Variants in DPF3 observed in about 807,000 individuals in gnomAD.
DPF3 encodes double PHD fingers 3, also known as zinc finger protein DPF3.
In DPF3, 18 loss-of-function variants were observed where a neutral mutation model predicts 56.8. The ratio of observed to expected loss-of-function variants is 0.32; its 90% confidence interval spans 0.22 to 0.47. The LOEUF (loss-of-function observed/expected upper bound fraction) is 0.47. Ranked by LOEUF, DPF3 falls within the 20% of genes least tolerant of loss-of-function variation. The pLI, the probability that DPF3 is intolerant of heterozygous loss-of-function variation, is 1.00. For synonymous variants in DPF3, 188 were observed against 180.2 expected (o/e 1.04, Z -0.35); for missense variants, 403 against 488.8 (o/e 0.82, Z 1.65).
chr14:72,744,926 C>T (rs988933268), intron 3 of DPF3, among the ~76,000 whole-genome samples: 13 of 152,180 alleles, frequency 8.5e-5, no homozygotes, highest in African/African-American at 2.4e-5. Context: ...ACTATTCTCC[C>T]TCTTCCCGGA....
At chr14:72,827,454 C>CAACTCCT (rs1883857548) in intron 1 of DPF3, among the ~76,000 whole-genome samples, 1 of 149,950 alleles carries the variant, frequency 6.7e-6, no homozygotes, top group Non-Finnish European at 1.5e-5. Flanking sequence ...CTTGGTATAC[C>CAACTCCT]AACTCCTAGT....
At chr14:72,781,447 C>G (rs758042395) in intron 1 of DPF3, among the ~76,000 whole-genome samples, 3 of 152,164 alleles carry the variant, frequency 2.0e-5, no homozygotes, top group Non-Finnish European at 4.4e-5. Flanking sequence ...ATCATGACTT[C>G]GATGTGGCTC....
chr14:72,838,905 A>ATATATATATATATATATT, intron 1 of DPF3, among the ~76,000 whole-genome samples: 2 of 64,500 alleles, frequency 3.1e-5, no homozygotes, highest in East Asian at 2.5e-3. Flanking sequence ...TATCATATAT[A>ATATATATATATATATATT]TTCTTTTTTT....
chr14:72,748,292 G>T (rs368233818), intron 3 of DPF3, among the ~76,000 whole-genome samples: 36 of 152,202 alleles, frequency 2.4e-4, no homozygotes, highest in African/African-American at 8.7e-4. Context: ...GGGGCATTTT[G>T]CCCCTGCCCT....
At position 72,697,268 on chromosome 14, in the gene DPF3, G is replaced by A. The variant is rs147401744; in HGVS notation, c.605-4055C>T. ...CCTGTGCCACAAGAAGGACAAAAAT[G>A]AACAAGCCCCAGACCCCTCCATGGA... On this transcript the variant is annotated intron_variant, in intron 6 of 10. Coordinates refer to ENST00000556509, the MANE Select transcript of DPF3 (RefSeq NM_001280542.3). Among the ~76,000 whole-genome samples, 453 of 152,254 alleles carry A rather than the reference G, an allele frequency of 3.0e-3. 3 individuals are homozygous for A. The highest frequency in any genetic ancestry group is 0.01 in the African/African-American group (427 of 41,562).
intron 1 of DPF3, among the ~76,000 whole-genome samples, chr14:72,786,913 G>C (rs1892231088): frequency 6.6e-6 from 1 of 152,172 alleles, no homozygotes; most frequent in African/African-American, 2.4e-5. Context: ...AATGCTGTTG[G>C]CCAATGGGCG....
Position 72,612,355 on chromosome 14 carries a change from C to T in DPF3, c.*6942G>A, listed in dbSNP as rs1478779610. ...CCCCGCCTCTCTCCAGCCACCTGCTCCCCACCTCCTCTGCTCTGAGATAAT... is the reference window on the plus strand; with the variant it reads ...CCCCGCCTCTCTCCAGCCACCTGCTTCCCACCTCCTCTGCTCTGAGATAAT... On this transcript the variant is annotated 3_prime_UTR_variant, in exon 11 of 11. Transcript: ENST00000556509. 2.2e-6 allele frequency: 1 copy of T among 449,368 alleles called. No individual in the cohort carries two copies. The highest frequency in any genetic ancestry group is 2.3e-5 in the Admixed American group (1 of 43,896). 27.8% of individuals were successfully genotyped at this position (449,368 alleles called of 1,614,324 possible).
At chr14:72,689,676 G>A (rs996571975) in intron 7 of DPF3, among the ~76,000 whole-genome samples, 2 of 152,132 alleles carry the variant, frequency 1.3e-5, no homozygotes, top group Non-Finnish European at 2.9e-5. Context: ...GAAAATAGTC[G>A]GGGGGCTGCT....
At chr14:72,784,888 C>T (rs926094871) in intron 1 of DPF3, among the ~76,000 whole-genome samples, 5 of 151,752 alleles carry the variant, frequency 3.3e-5, no homozygotes, top group African/African-American at 7.3e-5. Flanking sequence ...ACCCAGAAGG[C>T]GGAGGTTGCA....
At chr14:72,872,215 T>G (rs1885928369) in intron 1 of DPF3, among the ~76,000 whole-genome samples, 1 of 151,886 alleles carries the variant, frequency 6.6e-6, no homozygotes, top group African/African-American at 2.4e-5. Context: ...ATGGAGACCC[T>G]GGGCACCCAC....
chr14:72,864,004 C>G (rs1285756534), intron 1 of DPF3, among the ~76,000 whole-genome samples: 1 of 152,180 alleles, frequency 6.6e-6, no homozygotes, highest in Non-Finnish European at 1.5e-5. Flanking sequence ...GTGATTCAAG[C>G]TCAGAGTCTG....
rs2139891864 is a variant in DPF3, at chr14:72,748,638, G to A, written c.301+4626C>T. 2.0e-5 allele frequency among the ~76,000 whole-genome samples: 3 copies of A among 152,336 alleles called. No individual in the cohort carries two copies. The South Asian group carries it at 6.2e-4, about 32-fold the overall frequency. ...TCCCATCACAGGCCTGGAGGTTTAG[G>A]AGAAAGAAATGGTTGTGTGAGCCAG... On this transcript the variant is annotated intron_variant, in intron 3 of 10. Coordinates refer to ENST00000556509, the MANE Select transcript of DPF3 (RefSeq NM_001280542.3).
intron 8 of DPF3, chr14:72,661,281 C>T (rs1264104842): frequency 1.0e-6 from 1 of 985,194 alleles, no homozygotes; most frequent in Non-Finnish European, 1.2e-6. Flanking sequence ...CCTCCACCAA[C>T]AGGACTGGCT....
At chr14:72,746,270 C>T (rs1482665532) in intron 3 of DPF3, among the ~76,000 whole-genome samples, 5 of 152,240 alleles carry the variant, frequency 3.3e-5, no homozygotes, top group East Asian at 1.9e-4. Context: ...GTTTCTCATT[C>T]TCTAGATGGG....
intron 1 of DPF3, chr14:72,892,034 T>A: frequency 7.4e-7 from 1 of 1,360,044 alleles, no homozygotes; most frequent in Non-Finnish European, 9.7e-7. Flanking sequence ...CCTACTGTGA[T>A]CCAAAAAACC....
chr14:72,719,006 G>A (rs1889056207), intron 5 of DPF3, among the ~76,000 whole-genome samples: 4 of 150,114 alleles, frequency 2.7e-5, no homozygotes, highest in Admixed American at 6.7e-5. Flanking sequence ...TCCTGACCTC[G>A]TGATCCACCC....
chr14:72,652,050 C>A (rs554871119), intron 8 of DPF3, among the ~76,000 whole-genome samples: 1 of 152,326 alleles, frequency 6.6e-6, no homozygotes, highest in Non-Finnish European at 1.5e-5. Flanking sequence ...ACTTTCTCAA[C>A]CCCAGTTCTC....
intron 4 of DPF3, chr14:72,724,155 G>C (rs1180427619): frequency 6.4e-6 from 1 of 156,554 alleles, no homozygotes; most frequent in African/African-American, 2.4e-5. Flanking sequence ...CCTGTCTGAT[G>C]AAAGCAAGTA....
intron 6 of DPF3, among the ~76,000 whole-genome samples, chr14:72,700,395 T>A (rs1370259240): frequency 6.6e-6 from 1 of 152,238 alleles, no homozygotes; most frequent in African/African-American, 2.4e-5. Context: ...CAGTGGACCC[T>A]ACAAATCACG....
Sources: gnomAD v4.1 joint callset for allele counts (sites outside exome capture counted in the v4.1 genomes callset) on GRCh38, gnomAD v4.1.1 for gene constraint, MANE v1.5 for transcripts, NCBI Gene and HGNC (gene_info 2026-07-23, HGNC 2026-07-21) for gene names.